SH3RF2: variants seen among roughly 807,000 people sequenced by gnomAD.
SH3RF2 encodes SH3 domain containing ring finger 2, also known as E3 ubiquitin-protein ligase SH3RF2.
SH3RF2 carries 43 observed loss-of-function variants against 59.0 expected under a neutral mutation model. That is an observed-to-expected ratio of 0.73 (90% CI 0.57 to 0.94). The LOEUF (loss-of-function observed/expected upper bound fraction) is 0.94, where lower values mean the gene tolerates loss of function less well. SH3RF2 is among the 40% of genes least tolerant of loss of function. The pLI, the probability that SH3RF2 is intolerant of heterozygous loss-of-function variation, is 0.00. For synonymous variants in SH3RF2, 391 were observed against 391.5 expected (o/e 1.00, Z 0.01); for missense variants, 930 against 940.1 (o/e 0.99, Z 0.14).
At chr5:146,055,694 C>G (rs1762639435) in intron 7 of SH3RF2, 2 of 457,698 alleles carry the variant, frequency 4.4e-6, no homozygotes, top group South Asian at 5.3e-5. Flanking sequence ...ATGATCAGAA[C>G]TGGAGTGAAA....
At chr5:145,970,027 T>A (rs1444876807) in intron 2 of SH3RF2, among the ~76,000 whole-genome samples, 3 of 152,204 alleles carry the variant, frequency 2.0e-5, no homozygotes, top group African/African-American at 7.2e-5. Flanking sequence ...CTACTCATAT[T>A]GCCTAATAAT....
At chr5:146,015,877 C>A (rs768624116) in intron 5 of SH3RF2, among the ~76,000 whole-genome samples, 7 of 152,210 alleles carry the variant, frequency 4.6e-5, no homozygotes, top group African/African-American at 9.7e-5. Context: ...AGTATTTCTA[C>A]ATGTTTGTCC....
chr5:145,956,018 A>G (rs929867889), intron 2 of SH3RF2, among the ~76,000 whole-genome samples: 2 of 152,188 alleles, frequency 1.3e-5, no homozygotes, highest in Admixed American at 6.5e-5. Context: ...GTGTGGAAGC[A>G]TGCATGGAAT....
rs143974664 is a variant in SH3RF2, at chr5:146,062,077, C to G, written c.1915-349C>G. On this transcript the variant is annotated intron_variant, in intron 9 of 9. Coordinates refer to ENST00000359120, the MANE Select transcript of SH3RF2 (RefSeq NM_152550.4). ...TAATAGTACGTAGAGAGGAGAGAGGCAAGGTAAATTTCTTTAATCTTCCAG... is the reference window on the plus strand; with the variant it reads ...TAATAGTACGTAGAGAGGAGAGAGGGAAGGTAAATTTCTTTAATCTTCCAG... Among the ~76,000 whole-genome samples the G allele has an allele frequency of 3.3e-3, 499 of 152,244 alleles. 4 individuals carry two copies. Among genetic ancestry groups the G allele is most frequent in the African/African-American group, 0.012 (480 of 41,530 alleles).
chr5:146,073,928 C>T (rs1763288030), intron 9 of SH3RF2, among the ~76,000 whole-genome samples: 1 of 151,998 alleles, frequency 6.6e-6, no homozygotes, highest in Non-Finnish European at 1.5e-5. Flanking sequence ...GAGTTGAGAC[C>T]CGAAGACTAA....
intron 2 of SH3RF2, among the ~76,000 whole-genome samples, chr5:145,991,528 G>C (rs7727210): frequency 2.0e-5 from 3 of 152,174 alleles, no homozygotes; most frequent in African/African-American, 7.2e-5. Context: ...CTGTGAGTAT[G>C]AACATAGAAA....
At chr5:145,999,939 A>C in intron 2 of SH3RF2, 119 bp from the exon 3 acceptor site, 1 of 1,232,768 alleles carries the variant, frequency 8.1e-7, no homozygotes, top group Non-Finnish European at 1.1e-6. Flanking sequence ...TGATTTGTAA[A>C]AAACTCAGTA....
intron 2 of SH3RF2, among the ~76,000 whole-genome samples, chr5:145,949,553 T>C (rs986627179): frequency 6.6e-6 from 1 of 152,180 alleles, no homozygotes; most frequent in South Asian, 2.1e-4. Context: ...CCTTCCCAGC[T>C]CTCTGGAGAA....
chr5:145,987,418 C>G (rs1195649267), intron 2 of SH3RF2, among the ~76,000 whole-genome samples: 3 of 152,136 alleles, frequency 2.0e-5, no homozygotes, highest in Non-Finnish European at 2.9e-5. Flanking sequence ...TCCCACATAT[C>G]AGTGAGAACA....
intron 5 of SH3RF2, among the ~76,000 whole-genome samples, chr5:146,028,097 T>C (rs2024061): frequency 0.31 from 46,505 of 151,402 alleles, 8,103 homozygotes; most frequent in Non-Finnish European, 0.38. Flanking sequence ...GACATTTTAA[T>C]GTAGACACTA....
At chr5:145,957,350 G>A (rs1758456065) in intron 2 of SH3RF2, among the ~76,000 whole-genome samples, 3 of 152,154 alleles carry the variant, frequency 2.0e-5, no homozygotes, top group African/African-American at 7.2e-5. Flanking sequence ...CTGGTCTTCT[G>A]GGTGGGTGGC....
chr5:146,060,246 G>A, intron 9 of SH3RF2, 22 bp downstream of exon 9: 2 of 1,571,004 alleles, frequency 1.3e-6, no homozygotes, highest in Non-Finnish European at 1.7e-6. Flanking sequence ...GTGACATTGG[G>A]GGCCCAACTC....
chr5:146,006,366 A>G (rs951065806), intron 4 of SH3RF2, among the ~76,000 whole-genome samples: 10 of 152,264 alleles, frequency 6.6e-5, no homozygotes, highest in African/African-American at 2.4e-4. Context: ...GGCTACAGTG[A>G]GCCGTGATTG....
chr5:145,977,157 G>A (rs1759325348), intron 2 of SH3RF2, among the ~76,000 whole-genome samples: 1 of 152,246 alleles, frequency 6.6e-6, no homozygotes, highest in Non-Finnish European at 1.5e-5. Flanking sequence ...AATATCTTCT[G>A]ATTCCTAGTC....
chr5:146,024,608 A>T lies in SH3RF2; in HGVS notation c.1059+10547A>T, dbSNP rs113383221. The stretch of plus-strand genomic sequence containing the variant: ...TTGTTGCTTGTGCTTTTGTTGTCAT[A>T]TCTAAAAACCAGTGTCTAATTCAAA... On this transcript the variant is annotated intron_variant, in intron 5 of 9. Transcript: ENST00000359120. Among the ~76,000 whole-genome samples, 17 of 152,308 alleles carry T rather than the reference A, an allele frequency of 1.1e-4. 3 individuals are homozygous for T. Among genetic ancestry groups the T allele is most frequent in the African/African-American group, 4.1e-4 (17 of 41,564 alleles).
intron 2 of SH3RF2, among the ~76,000 whole-genome samples, chr5:145,988,398 C>A (rs1445741288): frequency 6.6e-6 from 1 of 151,880 alleles, no homozygotes; most frequent in African/African-American, 2.4e-5. Context: ...ATCTCCCAGG[C>A]AAGAGCCAAA....
At chr5:146,010,255 C>A (rs1289935842) in intron 4 of SH3RF2, among the ~76,000 whole-genome samples, 2 of 152,180 alleles carry the variant, frequency 1.3e-5, no homozygotes. Context: ...ATATGTGCCA[C>A]ATTTTCTGAA....
At chr5:146,003,742 T>C (rs1316360163) in intron 3 of SH3RF2, among the ~76,000 whole-genome samples, 2 of 152,240 alleles carry the variant, frequency 1.3e-5, no homozygotes, top group African/African-American at 4.8e-5. Context: ...ATGGCTTCCA[T>C]CTTGATTTCT....
intron 5 of SH3RF2, among the ~76,000 whole-genome samples, chr5:146,026,365 C>A (rs1761530288): frequency 6.6e-6 from 1 of 152,174 alleles, no homozygotes. Context: ...AGAATGTGAT[C>A]CTAGCACTCC....
Sources: allele counts gnomAD v4.1 joint callset (sites outside exome capture counted in the v4.1 genomes callset), GRCh38; gene constraint gnomAD v4.1.1; transcripts MANE v1.5; gene names NCBI Gene and HGNC (gene_info 2026-07-23, HGNC 2026-07-21).